Variants in DENND2A observed in about 807,000 individuals in gnomAD.
DENND2A encodes the protein DENN domain containing 2A.
In DENND2A, 53 loss-of-function variants were observed where a neutral mutation model predicts 105.3. That is an observed-to-expected ratio of 0.50 (90% CI 0.40 to 0.63). The LOEUF (loss-of-function observed/expected upper bound fraction) is 0.63, where lower values mean the gene tolerates loss of function less well. Among genes scored for constraint, DENND2A ranks in the 30% least tolerant of loss-of-function variants. The pLI, the probability that DENND2A is intolerant of heterozygous loss-of-function variation, is 0.00. For synonymous variants in DENND2A, 522 were observed against 508.4 expected (o/e 1.03, Z -0.36); for missense variants, 1,138 against 1,279.6 (o/e 0.89, Z 1.69).
At chr7:140,550,222 C>T (rs1223028354) in intron 12 of DENND2A, among the ~76,000 whole-genome samples, 3 of 151,996 alleles carry the variant, frequency 2.0e-5, no homozygotes, top group African/African-American at 7.3e-5. Flanking sequence ...GACAGAGTTT[C>T]GCTCTTGTTG....
intron 3 of DENND2A, among the ~76,000 whole-genome samples, chr7:140,591,675 T>C (rs1436917927): frequency 3.6e-5 from 5 of 137,300 alleles, no homozygotes; most frequent in African/African-American, 1.5e-4. Flanking sequence ...TTCTTTCTCT[T>C]TCTTTCTTTC....
intron 5 of DENND2A, among the ~76,000 whole-genome samples, chr7:140,574,705 T>C (rs752826001): frequency 3.0e-4 from 46 of 152,266 alleles, no homozygotes; most frequent in Non-Finnish European, 5.4e-4. Flanking sequence ...CTCAATATCT[T>C]ATTTCTAAAA....
In DENND2A at chr7:140,561,889, T is replaced by C. The variant is rs191814922; in HGVS notation, c.1780-2072A>G. Among the ~76,000 whole-genome samples, 161 of 151,966 alleles carry C rather than the reference T, an allele frequency of 1.1e-3. 2 individuals are homozygous for C. Among genetic ancestry groups the C allele is most frequent in the African/African-American group, 3.5e-3 (143 of 41,418 alleles). ...TAGCTTGCTAGTGAGATCCACTTTA[T>C]TTATTTATTTATTCTTTTGAGATGG... On this transcript the variant is annotated intron_variant, in intron 9 of 19. Coordinates refer to ENST00000496613, the MANE Select transcript of DENND2A (RefSeq NM_015689.5).
chr7:140,576,557 A>C (rs1456173219), intron 5 of DENND2A, among the ~76,000 whole-genome samples: 1 of 152,222 alleles, frequency 6.6e-6, no homozygotes, highest in Non-Finnish European at 1.5e-5. Context: ...CTCACAGAAT[A>C]GGCATATTTT....
intron 14 of DENND2A, among the ~76,000 whole-genome samples, chr7:140,528,599 G>A (rs1796144199): frequency 6.6e-6 from 1 of 151,288 alleles, no homozygotes; most frequent in South Asian, 2.1e-4. Flanking sequence ...GTGAAATTCC[G>A]TCTCCACTAA....
chr7:140,539,796 C>T (rs1014382254), intron 14 of DENND2A, among the ~76,000 whole-genome samples: 1 of 152,254 alleles, frequency 6.6e-6, no homozygotes, highest in Non-Finnish European at 1.5e-5. Flanking sequence ...TGTTTACCCT[C>T]TTCCTGTCTC....
chr7:140,556,000 A>G (rs926691267), intron 11 of DENND2A, among the ~76,000 whole-genome samples: 1 of 152,110 alleles, frequency 6.6e-6, no homozygotes, highest in African/African-American at 2.4e-5. Context: ...AAAAAAATCA[A>G]TCTCAATACT....
rs1799079322 is a variant in DENND2A, at chr7:140,592,113, CGCTGCA to C, written c.996-4339_996-4334del. Among the ~76,000 whole-genome samples, 2 of 146,794 alleles carry C rather than the reference CGCTGCA, an allele frequency of 1.4e-5. 1 individual carries two copies. The highest frequency in any genetic ancestry group is 4.3e-4 in the South Asian group (2 of 4,612). ...TTGTCACCCAGGTGCAATCTCGGCTCGCTGCAGCCTCTGCCCTCTGGGTTCAAGCAA... is the reference window on the plus strand; with the variant it reads ...TTGTCACCCAGGTGCAATCTCGGCTCGCCTCTGCCCTCTGGGTTCAAGCAA... On this transcript the variant is annotated intron_variant, in intron 3 of 19. Transcript: ENST00000496613.
At chr7:140,601,035 A>C (rs992987054) in intron 3 of DENND2A, among the ~76,000 whole-genome samples, 2 of 152,230 alleles carry the variant, frequency 1.3e-5, no homozygotes, top group Admixed American at 6.5e-5. Context: ...TAAAGCCCAC[A>C]CCAAGAAAAA....
intron 11 of DENND2A, among the ~76,000 whole-genome samples, chr7:140,557,132 C>T (rs191669528): frequency 1.3e-5 from 2 of 152,018 alleles, no homozygotes; most frequent in African/African-American, 4.8e-5. Context: ...TGTCCAGTTG[C>T]GGTGGTTCAT....
At chr7:140,603,267 C>CAG (rs1799582765) in intron 2 of DENND2A, among the ~76,000 whole-genome samples, 1 of 152,042 alleles carries the variant, frequency 6.6e-6, no homozygotes. Context: ...GCCTGGGCAA[C>CAG]AGAGAGAGAC....
At chr7:140,641,430 G>C (rs1563196438), upstream of DENND2A, 2 of 152,280 alleles carry the variant, frequency 1.3e-5, no homozygotes, top group Non-Finnish European at 2.9e-5. Context: ...AGGAACACAG[G>C]CTGCACAGCA....
At chr7:140,569,521 A>T in intron 7 of DENND2A, 124 bp downstream of exon 7, 1 of 748,632 alleles carries the variant, frequency 1.3e-6, no homozygotes, top group South Asian at 1.5e-5. Flanking sequence ...ACAGTGCGGG[A>T]CATTTACAAA....
At chr7:140,592,547 G>A (rs887699672) in intron 3 of DENND2A, among the ~76,000 whole-genome samples, 1 of 150,264 alleles carries the variant, frequency 6.7e-6, no homozygotes, top group African/African-American at 2.4e-5. Flanking sequence ...GTTTTGCCAT[G>A]TTGGGCAAGC....
intron 12 of DENND2A, among the ~76,000 whole-genome samples, chr7:140,547,178 A>T (rs367674035): frequency 6.6e-6 from 1 of 152,112 alleles, no homozygotes; most frequent in Non-Finnish European, 1.5e-5. Context: ...AGTGAAGTCC[A>T]CTTCCTTGCC....
At chr7:140,546,177 T>A (rs780233438) in intron 13 of DENND2A, among the ~76,000 whole-genome samples, 1 of 151,984 alleles carries the variant, frequency 6.6e-6, no homozygotes, top group African/African-American at 2.4e-5. Flanking sequence ...CCTAGCACTT[T>A]GGGAGGCTGA....
intron 1 of DENND2A, among the ~76,000 whole-genome samples, chr7:140,638,016 G>A (rs927129139): frequency 1.3e-5 from 2 of 152,188 alleles, no homozygotes; most frequent in Admixed American, 6.5e-5. Context: ...CAGGATGGTA[G>A]AGGAAGGCAG....
intron 6 of DENND2A, among the ~76,000 whole-genome samples, chr7:140,572,128 CA>C (rs1337761448): frequency 6.6e-6 from 1 of 152,122 alleles, no homozygotes; most frequent in Non-Finnish European, 1.5e-5. Flanking sequence ...ACCTCAGCCT[CA>C]CATGTAGCTG....
At chr7:140,579,071 G>A (rs570168423) in intron 5 of DENND2A, among the ~76,000 whole-genome samples, 9 of 152,026 alleles carry the variant, frequency 5.9e-5, no homozygotes, top group African/African-American at 1.4e-4. Flanking sequence ...CACGTTGGGC[G>A]GATCACAAGG....
Sources: gnomAD v4.1 joint callset for allele counts (sites outside exome capture counted in the v4.1 genomes callset) on GRCh38, gnomAD v4.1.1 for gene constraint, MANE v1.5 for transcripts, NCBI Gene and HGNC (gene_info 2026-07-23, HGNC 2026-07-21) for gene names.